The following NLRP5 variants were observed in gnomAD, a reference collection of about 807,000 sequenced individuals.
NLRP5 encodes the protein NLR family pyrin domain containing 5.
In NLRP5, 93 loss-of-function variants were observed where a neutral mutation model predicts 113.1. The observed-to-expected ratio is 0.82, with a 90% CI of 0.70 to 0.98. The LOEUF is 0.98. NLRP5 is among the 50% of genes least tolerant of loss of function. The probability of loss-of-function intolerance (pLI) is 0.00; values close to 1 mark genes in which losing one functional copy is unlikely to be tolerated. For synonymous variants in NLRP5, 751 were observed against 600.7 expected, an observed-to-expected ratio of 1.25 and a Z score of -3.66; for missense variants, 1,808 against 1,514.3, an observed-to-expected ratio of 1.19 and a Z score of -3.22.
chr19:56,038,100 A>G lies in NLRP5; in HGVS notation c.2691A>G (p.Lys897=), dbSNP rs753889850. 1.9e-6 allele frequency: 3 copies of G among 1,613,952 alleles called. No homozygotes were observed. In the Middle Eastern group the frequency reaches 4.9e-4, roughly 266 times the overall value. ...TCCTTACGACCTCCCCCAGCCTGAA[A>G]TCTCTGAGCCTGGCAGGAAACAAGG... is the stretch of plus-strand genomic sequence containing the variant. Residue 897 remains lysine, a synonymous_variant, in exon 10 of 15, where the codon AAA becomes AAG. Transcript: ENST00000390649.
At chr19:55,990,727 A>G in the NLRP5 span, among the ~76,000 whole-genome samples, 1 of 152,130 alleles carries the variant, frequency 6.6e-6, no homozygotes, top group South Asian at 2.1e-4. Flanking sequence ...CGGGAGGCTG[A>G]GGCAGGAGAA....
At chr19:56,035,117 T>A (rs1253715608) in intron 9 of NLRP5, among the ~76,000 whole-genome samples, 1 of 152,054 alleles carries the variant, frequency 6.6e-6, no homozygotes, top group Non-Finnish European at 1.5e-5. Context: ...TCTTGTATTT[T>A]TAGTAGAGAT....
chr19:56,024,418 A>T (rs891008499), intron 6 of NLRP5, among the ~76,000 whole-genome samples: 1 of 124,982 alleles, frequency 8.0e-6, no homozygotes, highest in Non-Finnish European at 1.7e-5. Context: ...ATATGTATAT[A>T]TGTTATATAT....
chr19:56,043,747 G>A (rs1392730208), intron 11 of NLRP5, among the ~76,000 whole-genome samples: 1 of 150,632 alleles, frequency 6.6e-6, no homozygotes, highest in East Asian at 2.0e-4. Context: ...TAATTTTTTT[G>A]TGTGTGTTTT....
intron 3 of NLRP5, among the ~76,000 whole-genome samples, chr19:56,009,586 A>C (rs17608485): frequency 6.6e-6 from 1 of 151,910 alleles, no homozygotes; most frequent in African/African-American, 2.4e-5. Flanking sequence ...ATCGTTGGCC[A>C]AAGCATACGT....
chr19:55,990,879 G>A, the NLRP5 span, among the ~76,000 whole-genome samples: 3 of 152,228 alleles, frequency 2.0e-5, no homozygotes, highest in East Asian at 5.8e-4. Context: ...AGCTACTGGG[G>A]AGGTTGAGGC....
Position 56,049,329 on chromosome 19 carries a change from A to G in NLRP5, c.2958-1089A>G, listed in dbSNP as rs545011442. ...CGAGCAGCTGGGATTACAGGCATGC[A>G]CCACCACGCCCAACTAATTTTTTGT... is the stretch of plus-strand genomic sequence containing the variant. On this transcript the variant is annotated intron_variant, in intron 11 of 14. Transcript: ENST00000390649. 2.9e-3 allele frequency among the ~76,000 whole-genome samples: 435 copies of G among 151,986 alleles called. 2 individuals are homozygous for G. The highest frequency in any genetic ancestry group is 9.2e-3 in the African/African-American group (380 of 41,426).
At chr19:56,053,905 C>T in intron 13 of NLRP5, 97 bp downstream of exon 13, 1 of 1,132,378 alleles carries the variant, frequency 8.8e-7, no homozygotes, top group East Asian at 2.4e-5. Flanking sequence ...GATCTGGTTT[C>T]CATGAGTCCC....
At position 56,036,444 on chromosome 19, in the gene NLRP5, A is replaced by G. The variant is rs574888330; in HGVS notation, c.2616-1581A>G. Among the ~76,000 whole-genome samples the G allele has an allele frequency of 1.3e-5, 2 of 152,258 alleles. 1 individual carries two copies. Among genetic ancestry groups the G allele is most frequent in the South Asian group, 4.1e-4 (2 of 4,828 alleles). Reference sequence around the variant, plus strand: ...GACATGTTCCTGGGACATGCTGATAAATGAAACGAGATTGTTTTATTCAAT... The same window carrying G: ...GACATGTTCCTGGGACATGCTGATAGATGAAACGAGATTGTTTTATTCAAT... On this transcript the variant is annotated intron_variant, in intron 9 of 14. Transcript: ENST00000390649.
upstream of NLRP5, among the ~76,000 whole-genome samples, chr19:55,998,568 G>C (rs937549605): frequency 1.3e-5 from 2 of 151,128 alleles, no homozygotes; most frequent in Non-Finnish European, 2.9e-5. Context: ...CAGGAGAATT[G>C]CTTGAACCCG....
At chr19:56,058,817 T>A (rs1984251837) in intron 14 of NLRP5, among the ~76,000 whole-genome samples, 1 of 152,204 alleles carries the variant, frequency 6.6e-6, no homozygotes, top group Non-Finnish European at 1.5e-5. Context: ...GAGGTGGAAG[T>A]AACCCAGGCG....
chr19:55,992,706 G>C, the NLRP5 span, among the ~76,000 whole-genome samples: 5 of 152,072 alleles, frequency 3.3e-5, no homozygotes, highest in Non-Finnish European at 7.4e-5. Context: ...AGCTAAGCAC[G>C]GGTGGCAGAG....
At chr19:56,008,765 C>T (rs1982053269) in intron 2 of NLRP5, 23 bp from the exon 3 acceptor site, 3 of 1,593,306 alleles carry the variant, frequency 1.9e-6, no homozygotes, top group Non-Finnish European at 2.6e-6. Flanking sequence ...TGAGGCCAGT[C>T]TCCCTTTTTC....
chr19:56,015,769 G>C lies in NLRP5; in HGVS notation c.536G>C (p.Ser179Thr), dbSNP rs1349330235. The C allele has an allele frequency of 1.3e-6, 2 of 1,572,394 alleles. No homozygotes were observed. The highest frequency in any genetic ancestry group is 8.6e-7 in the Non-Finnish European group (1 of 1,157,156). Residue 179 changes from serine (S) to threonine (T), a missense_variant, in exon 4 of 15, where the codon AGT becomes ACT. By Grantham distance (58) the Ser-to-Thr change is moderately conservative. Transcript: ENST00000390649. ...ATTTCACAAGCTGTGCAACAAGATA[G>C]TGCCACAGCTGCAGAGACAAAAGAA...
chr19:55,988,151 G>A, the NLRP5 span: 5 of 318,046 alleles, frequency 1.6e-5, no homozygotes, highest in Non-Finnish European at 2.4e-5. Flanking sequence ...CAGCACTATG[G>A]GAGGTCGAGG....
At chr19:55,998,754 T>C (rs550209600), upstream of NLRP5, among the ~76,000 whole-genome samples, 1 of 70,074 alleles carries the variant, frequency 1.4e-5, no homozygotes, top group African/African-American at 5.8e-5. Flanking sequence ...ACACACACTT[T>C]AGCCTCACCT....
chr19:56,007,237 A>G (rs1981957390), intron 2 of NLRP5, among the ~76,000 whole-genome samples: 1 of 150,990 alleles, frequency 6.6e-6, no homozygotes. Flanking sequence ...AGTGGCAGGC[A>G]CCTGTAATCC....
chr19:56,056,505 C>T lies in NLRP5; in HGVS notation c.3300-1735C>T, dbSNP rs956815962. 5.9e-5 allele frequency among the ~76,000 whole-genome samples: 9 copies of T among 151,814 alleles called. No homozygotes were observed. In the East Asian group the frequency reaches 7.8e-4, roughly 13 times the overall value. On this transcript the variant is annotated intron_variant, in intron 13 of 14. Transcript: ENST00000390649. ...CTGGGAGGCGGAGGTTGCAGTGAAC[C>T]GAGAACGTGCCACTGCACTCCAGCC...
intron 2 of NLRP5, among the ~76,000 whole-genome samples, chr19:56,006,605 A>G (rs973219307): frequency 4.6e-5 from 7 of 151,782 alleles, no homozygotes; most frequent in African/African-American, 1.2e-4. Context: ...GGTGGCACAC[A>G]CCTGTAATCC....
Sources: gnomAD v4.1 joint callset for allele counts (sites outside exome capture counted in the v4.1 genomes callset) on GRCh38, gnomAD v4.1.1 for gene constraint, MANE v1.5 for transcripts, NCBI Gene and HGNC (gene_info 2026-07-23, HGNC 2026-07-21) for gene names.